Variants in KIF13B observed in about 807,000 individuals in gnomAD.
KIF13B encodes the protein kinesin-like protein KIF13B.
KIF13B carries 127 observed loss-of-function variants against 222.0 expected under a neutral mutation model. That is an observed-to-expected ratio of 0.57 (90% CI 0.50 to 0.66). The LOEUF (loss-of-function observed/expected upper bound fraction) is 0.66. Among genes scored for constraint, KIF13B ranks in the 30% least tolerant of loss-of-function variants. The probability of loss-of-function intolerance (pLI) is 0.00; values close to 1 mark genes in which losing one functional copy is unlikely to be tolerated. For missense variants in KIF13B, 2,173 were observed against 2,379.0 expected (o/e 0.91, Z 1.80); for synonymous variants, 976 against 919.0 (o/e 1.06, Z -1.12).
intron 1 of KIF13B, among the ~76,000 whole-genome samples, chr8:29,252,185 A>C (rs1664996800): frequency 6.6e-6 from 1 of 152,236 alleles, no homozygotes; most frequent in African/African-American, 2.4e-5. Flanking sequence ...TGAATATTAA[A>C]ATATCAACAG....
chr8:29,230,175 G>T (rs1227541510), intron 2 of KIF13B, among the ~76,000 whole-genome samples: 1 of 152,100 alleles, frequency 6.6e-6, no homozygotes, highest in African/African-American at 2.4e-5. Flanking sequence ...TCAGGGAGGT[G>T]ATATAAACTT....
intron 38 of KIF13B, among the ~76,000 whole-genome samples, chr8:29,072,519 G>A (rs1023925125): frequency 2.6e-5 from 4 of 152,264 alleles, no homozygotes; most frequent in Admixed American, 1.3e-4. Context: ...ACCCCGTTTC[G>A]ACAAAATAAA....
intron 29 of KIF13B, among the ~76,000 whole-genome samples, chr8:29,121,849 A>C (rs964674450): frequency 4.6e-5 from 7 of 152,298 alleles, no homozygotes; most frequent in African/African-American, 1.7e-4. Context: ...AAGAACTCAT[A>C]GAAAAAGTGA....
rs1417728659 is a variant in KIF13B, at chr8:29,181,978, GCTCT to G, written c.522_525del (p.Arg174SerfsTer26). 1 of 1,613,454 alleles carries G rather than the reference GCTCT, an allele frequency of 6.2e-7. No individual in the cohort carries two copies. The highest frequency in any genetic ancestry group is 8.5e-7 in the Non-Finnish European group (1 of 1,179,632). ...TCGACATAAGGTCCCAACACACTAT[GCTCT>G]CTGACTTTCAACGTCTGACGGCTTC... On this transcript the variant is annotated frameshift_variant, in exon 7 of 40. Coordinates refer to ENST00000524189, the MANE Select transcript of KIF13B (RefSeq NM_015254.4). LOFTEE classifies it high-confidence loss of function.
chr8:29,248,538 C>G (rs115249814), intron 1 of KIF13B, among the ~76,000 whole-genome samples: 3 of 152,138 alleles, frequency 2.0e-5, no homozygotes, highest in African/African-American at 7.2e-5. Flanking sequence ...GACAGCCAAG[C>G]GAACAGGGTT....
intron 2 of KIF13B, among the ~76,000 whole-genome samples, chr8:29,239,078 A>G (rs1331278559): frequency 3.9e-5 from 6 of 152,132 alleles, no homozygotes. Flanking sequence ...AAAGAAAGAA[A>G]GACAGGATAA....
At chr8:29,200,899 T>C (rs1447952588) in intron 2 of KIF13B, among the ~76,000 whole-genome samples, 2 of 152,214 alleles carry the variant, frequency 1.3e-5, no homozygotes, top group Non-Finnish European at 2.9e-5. Context: ...TGCGCCCTCC[T>C]TGGTGCATTC....
chr8:29,133,272 A>C (rs960888537), intron 22 of KIF13B, among the ~76,000 whole-genome samples: 3 of 152,144 alleles, frequency 2.0e-5, no homozygotes, highest in Non-Finnish European at 2.9e-5. Flanking sequence ...TTCAGCTGGG[A>C]AAAAACAAAC....
chr8:29,095,005 G>A (rs372523062), intron 36 of KIF13B, among the ~76,000 whole-genome samples: 4 of 150,578 alleles, frequency 2.7e-5, no homozygotes, highest in African/African-American at 7.3e-5. Flanking sequence ...TCTGTGACCT[G>A]TAGGACAATA....
Position 29,127,285 on chromosome 8 carries a change from T to A in KIF13B, c.3076-17A>T. On this transcript the variant is annotated splice_polypyrimidine_tract_variant and intron_variant, in intron 24 of 39. Coordinates refer to ENST00000524189, the MANE Select transcript of KIF13B (RefSeq NM_015254.4). ...GGACTGCCCCTGGGTCACAGACAAT[T>A]TAGAGTCTTAAAATCAGTGTCTTGA... 1 of 1,609,124 alleles carries A rather than the reference T, an allele frequency of 6.2e-7. No individual in the cohort carries two copies. The highest frequency in any genetic ancestry group is 8.5e-7 in the Non-Finnish European group (1 of 1,177,334).
At chr8:29,146,293 G>C (rs768779762) in intron 18 of KIF13B, 85 bp downstream of exon 18, 3 of 1,388,886 alleles carry the variant, frequency 2.2e-6, no homozygotes, top group Non-Finnish European at 3.1e-6. Flanking sequence ...CACAGACAGG[G>C]ATCTGAAGCT....
chr8:29,247,541 C>A (rs1002951106), intron 1 of KIF13B, among the ~76,000 whole-genome samples: 1 of 152,028 alleles, frequency 6.6e-6, no homozygotes, highest in Non-Finnish European at 1.5e-5. Flanking sequence ...AATAAAAAGA[C>A]AAATAGGCCA....
chr8:29,228,853 T>C (rs556757604), intron 2 of KIF13B, among the ~76,000 whole-genome samples: 2 of 152,050 alleles, frequency 1.3e-5, no homozygotes, highest in South Asian at 2.1e-4. Context: ...ACATAGAAGG[T>C]TGTTAATATC....
intron 6 of KIF13B, among the ~76,000 whole-genome samples, chr8:29,182,580 T>C (rs1450656942): frequency 6.7e-6 from 1 of 150,356 alleles, no homozygotes; most frequent in Non-Finnish European, 1.5e-5. Flanking sequence ...TAAAATTAAA[T>C]ATTCATTAAG....
In KIF13B at chr8:29,236,227, T is replaced by C. The variant is rs190781154; in HGVS notation, c.149+9119A>G. 8.9e-4 allele frequency among the ~76,000 whole-genome samples: 136 copies of C among 152,352 alleles called. 1 individual carries two copies. Among genetic ancestry groups the C allele is most frequent in the South Asian group, 6.4e-3 (31 of 4,832 alleles). On this transcript the variant is annotated intron_variant, in intron 2 of 39. Coordinates refer to ENST00000524189, the MANE Select transcript of KIF13B (RefSeq NM_015254.4). ...CTCCTCACACCTATTTTAAATTGTT[T>C]AGATATGATAAATGGTATTGAGGTT...
chr8:29,234,379 C>A (rs1343802958), intron 2 of KIF13B, among the ~76,000 whole-genome samples: 1 of 151,824 alleles, frequency 6.6e-6, no homozygotes, highest in East Asian at 1.9e-4. Flanking sequence ...CATGGATGAA[C>A]CTCGAGGACA....
Position 29,172,918 on chromosome 8 carries a change from CT to C in KIF13B, c.945+3149del, listed in dbSNP as rs1169656754. Among the ~76,000 whole-genome samples the C allele has an allele frequency of 4.3e-3, 603 of 139,914 alleles. 1 individual carries two copies. Among genetic ancestry groups the C allele is most frequent in the Admixed American group, 4.8e-3 (67 of 14,066 alleles). The allele number at this position is 139,914 out of a possible 152,430, so 91.8% of individuals were successfully genotyped here. Reference sequence around the variant, plus strand: ...AAAAGATATTTCTTGTTTTTTGGTGCTTTTTTTTTTTTTTGAGAGGGTTGTC... The same window carrying C: ...AAAAGATATTTCTTGTTTTTTGGTGCTTTTTTTTTTTTTGAGAGGGTTGTC... On this transcript the variant is annotated intron_variant, in intron 10 of 39. Transcript: ENST00000524189.
chr8:29,258,113 T>A (rs1246985702), intron 1 of KIF13B, among the ~76,000 whole-genome samples: 2 of 152,198 alleles, frequency 1.3e-5, no homozygotes, highest in East Asian at 3.8e-4. Context: ...GTGATCTCTC[T>A]GAGAATACTG....
intron 2 of KIF13B, among the ~76,000 whole-genome samples, chr8:29,222,515 CTTTTTTTTTTTTTTTTTTTTTTT>C (rs58488862): frequency 1.7e-4 from 10 of 60,594 alleles, no homozygotes; most frequent in East Asian, 2.1e-3. Context: ...CCACACCTGA[CTTTTTTTTTTTTTTTTTTTTTTT>C]TTTTTTTTTT....
Sources: allele counts gnomAD v4.1 joint callset (sites outside exome capture counted in the v4.1 genomes callset), GRCh38; gene constraint gnomAD v4.1.1; transcripts MANE v1.5; gene names NCBI Gene and HGNC (gene_info 2026-07-23, HGNC 2026-07-21).